The following AKAP6 variants were observed in gnomAD, a reference collection of about 807,000 sequenced individuals.
The protein encoded by AKAP6 is A-kinase anchor protein 6.
A neutral mutation model predicts 188.5 loss-of-function variants in AKAP6; 58 were observed. The ratio of observed to expected loss-of-function variants is 0.31; its 90% CI spans 0.25 to 0.38. The LOEUF (loss-of-function observed/expected upper bound fraction) is 0.38. AKAP6 is among the 10% of genes least tolerant of loss of function. The pLI is 1.00. For synonymous variants in AKAP6, 989 were observed against 998.6 expected (o/e 0.99, Z 0.18); for missense variants, 2,710 against 2,740.0 (o/e 0.99, Z 0.24).
intron 1 of AKAP6, among the ~76,000 whole-genome samples, chr14:32,391,828 A>G (rs887161681): frequency 2.6e-5 from 4 of 152,210 alleles, no homozygotes; most frequent in Admixed American, 1.3e-4. Context: ...CTATGAATCA[A>G]TTAAAGCTCT....
intron 7 of AKAP6, among the ~76,000 whole-genome samples, chr14:32,676,806 T>C (rs559249099): frequency 6.6e-6 from 1 of 152,310 alleles, no homozygotes; most frequent in African/African-American, 2.4e-5. Flanking sequence ...AATTCTGGAA[T>C]GGTTTGAGAC....
intron 11 of AKAP6, among the ~76,000 whole-genome samples, chr14:32,761,007 T>G (rs2032517764): frequency 6.6e-6 from 1 of 152,206 alleles, no homozygotes; most frequent in Admixed American, 6.5e-5. Context: ...CAAGTTGCCT[T>G]GAGCTTCCAC....
At chr14:32,628,362 C>G (rs1887111316) in intron 7 of AKAP6, among the ~76,000 whole-genome samples, 1 of 151,764 alleles carries the variant, frequency 6.6e-6, no homozygotes, top group South Asian at 2.1e-4. Context: ...CAGTCGGGCA[C>G]CAAGAAGTAA....
At position 32,824,300 on chromosome 14, in the gene AKAP6, G is replaced by A. The variant is rs1406486710; in HGVS notation, c.6487G>A (p.Asp2163Asn). 6.2e-7 allele frequency: 1 copy of A among 1,613,706 alleles called. No individual in the cohort carries two copies. Among genetic ancestry groups the A allele is most frequent in the Non-Finnish European group, 8.5e-7 (1 of 1,179,908 alleles). The change falls in exon 13 of 14, where the codon GAC becomes AAC. Residue 2163 changes from aspartate to asparagine, a missense_variant. Asp to Asn is a conservative substitution (Grantham distance 23). Transcript: ENST00000280979. Reference protein sequence around the residue: ...ECFFEACVEGDSDGEEPCFSS... With the variant: ...ECFFEACVEGNSDGEEPCFSS... ...CTTTTTTGAGGCCTGTGTTGAGGGT[G>A]ACTCTGATGGAGAGGAGCCTTGTTT...
In AKAP6 at chr14:32,433,634, C is replaced by T; in HGVS notation, c.141C>T (p.Asp47=). The change falls in exon 2 of 14, where the codon GAC becomes GAT. Residue 47 remains aspartate, a synonymous_variant. Transcript: ENST00000280979. ...GEGEEAMKDM[D]SDQQYEKPPP... ...GAGAAGAGGCAATGAAGGACATGGA[C>T]TCTGACCAGCAGTATGAAAAGCCAC... 2 of 1,614,208 alleles carry T rather than the reference C, an allele frequency of 1.2e-6. No individual in the cohort carries two copies. Among genetic ancestry groups the T allele is most frequent in the South Asian group, 1.1e-5 (1 of 91,086 alleles).
chr14:32,421,303 T>C (rs1889842706), intron 1 of AKAP6, among the ~76,000 whole-genome samples: 1 of 151,608 alleles, frequency 6.6e-6, no homozygotes, highest in Admixed American at 6.6e-5. Context: ...CAGGAACTCC[T>C]TTCCTCTAGA....
chr14:32,759,109 G>A (rs866969497), intron 11 of AKAP6, among the ~76,000 whole-genome samples: 1 of 152,162 alleles, frequency 6.6e-6, no homozygotes, highest in South Asian at 2.1e-4. Context: ...AAAAAAAATG[G>A]CCTAACTTAT....
chr14:32,383,909 T>C (rs1175785808), intron 1 of AKAP6, among the ~76,000 whole-genome samples: 1 of 152,174 alleles, frequency 6.6e-6, no homozygotes, highest in Non-Finnish European at 1.5e-5. Flanking sequence ...GATTTCAAAG[T>C]GAGCATCTTT....
At chr14:32,578,681 C>G (rs1884836049) in intron 5 of AKAP6, among the ~76,000 whole-genome samples, 1 of 152,118 alleles carries the variant, frequency 6.6e-6, no homozygotes, top group Admixed American at 6.5e-5. Flanking sequence ...AGTGTGCTGT[C>G]TTACTTTCTC....
intron 11 of AKAP6, among the ~76,000 whole-genome samples, chr14:32,765,419 A>T (rs116241034): frequency 0.024 from 3,627 of 152,276 alleles, 160 homozygotes; most frequent in African/African-American, 0.083. Flanking sequence ...TAAGATGTAT[A>T]TGATTATATA....
chr14:32,747,435 G>A (rs1423520876), intron 11 of AKAP6, among the ~76,000 whole-genome samples: 1 of 152,058 alleles, frequency 6.6e-6, no homozygotes, highest in African/African-American at 2.4e-5. Flanking sequence ...AAATTCAATA[G>A]ACATCAAACA....
At chr14:32,467,451 A>G (rs1385130178) in intron 2 of AKAP6, among the ~76,000 whole-genome samples, 1 of 152,104 alleles carries the variant, frequency 6.6e-6, no homozygotes, top group East Asian at 1.9e-4. Flanking sequence ...TTCCATAATA[A>G]AAAGTTTTAA....
In AKAP6 at chr14:32,735,759, G is replaced by A; in HGVS notation, c.3249G>A (p.Leu1083=). Residue 1083 remains leucine (L), a synonymous_variant, in exon 11 of 14, where the codon CTG becomes CTA. Coordinates refer to ENST00000280979, the MANE Select transcript of AKAP6 (RefSeq NM_004274.5). ...AAAGTGGAAGCCTGGTAAGGCAGCT[G>A]GAGGTCAGGATCAAAGAACTGAAAG... ...SPESGSLVRQ[L]EVRIKELKGW... is the part of the protein sequence containing the mutation. 2 of 1,613,526 alleles carry A rather than the reference G, an allele frequency of 1.2e-6. No homozygotes were observed. The highest frequency in any genetic ancestry group is 1.7e-6 in the Non-Finnish European group (2 of 1,179,768).
At chr14:32,340,058 A>G (rs922963822) in intron 1 of AKAP6, among the ~76,000 whole-genome samples, 3 of 151,922 alleles carry the variant, frequency 2.0e-5, no homozygotes, top group African/African-American at 7.2e-5. Flanking sequence ...AAGACAAGCA[A>G]TATCCAAAAG....
intron 1 of AKAP6, among the ~76,000 whole-genome samples, chr14:32,367,176 A>T (rs539321364): frequency 4.9e-4 from 75 of 152,282 alleles, no homozygotes; most frequent in Admixed American, 3.0e-3. Context: ...GGCAGCTGGG[A>T]ATTTCTTTCT....
intron 3 of AKAP6, among the ~76,000 whole-genome samples, chr14:32,540,164 C>T (rs10132798): frequency 7.2e-5 from 7 of 97,480 alleles, no homozygotes; most frequent in Non-Finnish European, 5.6e-5. Context: ...CTCTCTCTCT[C>T]TCTCTATATA....
chr14:32,542,641 A>T (rs904975974), intron 3 of AKAP6, among the ~76,000 whole-genome samples: 1 of 152,206 alleles, frequency 6.6e-6, no homozygotes, highest in Non-Finnish European at 1.5e-5. Flanking sequence ...CTTTCCAGGC[A>T]GGGCAAGCAG....
intron 1 of AKAP6, among the ~76,000 whole-genome samples, chr14:32,347,978 G>A (rs1887121811): frequency 6.6e-6 from 1 of 152,190 alleles, no homozygotes; most frequent in South Asian, 2.1e-4. Context: ...AAGGAAATCG[G>A]GATACATTTT....
intron 7 of AKAP6, among the ~76,000 whole-genome samples, chr14:32,652,777 G>A (rs1361581796): frequency 6.6e-6 from 1 of 152,136 alleles, no homozygotes; most frequent in Non-Finnish European, 1.5e-5. Flanking sequence ...CATTAGAGTG[G>A]TGCAGTGGCT....
Sources: allele counts gnomAD v4.1 joint callset (sites outside exome capture counted in the v4.1 genomes callset), GRCh38; gene constraint gnomAD v4.1.1; transcripts MANE v1.5; gene names NCBI Gene and HGNC (gene_info 2026-07-23, HGNC 2026-07-21).